Variants in SLC24A4 observed in about 807,000 individuals in gnomAD.
The protein encoded by SLC24A4 is solute carrier family 24 member 4.
SLC24A4 carries 53 observed loss-of-function variants against 79.0 expected under a neutral mutation model. The observed-to-expected ratio is 0.67, with a 90% CI of 0.54 to 0.84. The LOEUF (loss-of-function observed/expected upper bound fraction) is 0.84. SLC24A4 is among the 40% of genes least tolerant of loss of function. The pLI, the probability that SLC24A4 is intolerant of heterozygous loss-of-function variation, is 0.00. For synonymous variants in SLC24A4, 323 were observed against 323.8 expected, an observed-to-expected ratio of 1.00 and a Z score of 0.03; for missense variants, 731 against 822.0, an observed-to-expected ratio of 0.89 and a Z score of 1.35.
In SLC24A4 at chr14:92,416,122, G is replaced by GGTGTGTGT. The variant is rs34411259; in HGVS notation, c.242-17767_242-17760dup. Among the ~76,000 whole-genome samples, 17 of 147,918 alleles carry GGTGTGTGT rather than the reference G, an allele frequency of 1.1e-4. No homozygotes were observed. The Middle Eastern group carries it at 9.7e-3, about 84-fold the overall frequency. On this transcript the variant is annotated intron_variant, in intron 2 of 16. Coordinates refer to ENST00000532405, the MANE Select transcript of SLC24A4 (RefSeq NM_153646.4). ...GGAAAGTGTGTGTATTTGTGTGTGT[G>GGTGTGTGT]GTGTGTGTGTGTGTGTGTGTGTGTG... is the stretch of plus-strand genomic sequence containing the variant.
intron 12 of SLC24A4, among the ~76,000 whole-genome samples, chr14:92,476,149 G>A (rs986910864): frequency 1.3e-5 from 2 of 152,194 alleles, no homozygotes; most frequent in Admixed American, 6.5e-5. Flanking sequence ...ACGTTCCTGG[G>A]CATTTAAGCA....
intron 2 of SLC24A4, among the ~76,000 whole-genome samples, chr14:92,361,659 C>T (rs367838510): frequency 3.4e-4 from 52 of 152,198 alleles, no homozygotes; most frequent in African/African-American, 8.7e-4. Flanking sequence ...AGTGCACAAG[C>T]GTACTGTTTG....
intron 14 of SLC24A4, among the ~76,000 whole-genome samples, chr14:92,489,394 C>T (rs1486439975): frequency 1.3e-5 from 2 of 151,962 alleles, no homozygotes; most frequent in African/African-American, 4.8e-5. Context: ...AACCACTGCA[C>T]TCCAGCCTAG....
At chr14:92,335,342 GT>G (rs1885726485) in intron 2 of SLC24A4, among the ~76,000 whole-genome samples, 1 of 91,198 alleles carries the variant, frequency 1.1e-5, no homozygotes, top group Non-Finnish European at 2.3e-5. Flanking sequence ...ATGTTTTTTT[GT>G]TTTTGTTTTT....
chr14:92,435,380 A>G (rs186181896), intron 3 of SLC24A4, among the ~76,000 whole-genome samples: 21 of 152,324 alleles, frequency 1.4e-4, no homozygotes, highest in Admixed American at 1.2e-3. Flanking sequence ...TCATTTCTGT[A>G]ATATCTATTT....
At chr14:92,443,768 G>A (rs1006001222) in intron 7 of SLC24A4, among the ~76,000 whole-genome samples, 23 of 152,222 alleles carry the variant, frequency 1.5e-4, no homozygotes, top group African/African-American at 5.5e-4. Context: ...GGGTCCTGTA[G>A]GCCAGGTCCT....
intron 16 of SLC24A4, 139 bp downstream of exon 16, chr14:92,492,379 C>A: frequency 1.3e-6 from 1 of 772,446 alleles, no homozygotes; most frequent in Non-Finnish European, 2.1e-6. Context: ...TGTAGACGTT[C>A]ATAGACACAC....
At chr14:92,348,154 T>G (rs1365488388) in intron 2 of SLC24A4, among the ~76,000 whole-genome samples, 1 of 152,198 alleles carries the variant, frequency 6.6e-6, no homozygotes, top group East Asian at 1.9e-4. Flanking sequence ...CTCCATTTAC[T>G]GAGTGTGTGA....
At position 92,488,213 on chromosome 14, in the gene SLC24A4, G is replaced by T. The variant is rs967702025; in HGVS notation, c.1537+1433G>T. On this transcript the variant is annotated intron_variant, in intron 14 of 16. Coordinates refer to ENST00000532405, the MANE Select transcript of SLC24A4 (RefSeq NM_153646.4). ...CACCCTTCCGAGTAGCCAGGACTAC[G>T]GGCACATGCCACCACACCCAGCTAA... 2.6e-5 allele frequency among the ~76,000 whole-genome samples: 4 copies of T among 151,614 alleles called. No homozygotes were observed. The East Asian group carries it at 7.8e-4, about 29-fold the overall frequency.
rs192175876 is a variant in SLC24A4, at chr14:92,343,764, A to G, written c.241+17786A>G. Among the ~76,000 whole-genome samples, 4 of 147,920 alleles carry G rather than the reference A, an allele frequency of 2.7e-5. No individual in the cohort carries two copies. In the Admixed American group the frequency reaches 2.7e-4, roughly 10 times the overall value. ...GTCACCCAGACTGGAGTGCAGTGGC[A>G]CGATCTTGGCTCACTGCATCCTCCG... On this transcript the variant is annotated intron_variant, in intron 2 of 16. Transcript: ENST00000532405.
At chr14:92,487,831 G>T (rs1191327735) in intron 14 of SLC24A4, among the ~76,000 whole-genome samples, 5 of 152,132 alleles carry the variant, frequency 3.3e-5, no homozygotes, top group Non-Finnish European at 5.9e-5. Flanking sequence ...GGCTCTAGGG[G>T]AGGAACCTTC....
chr14:92,420,221 C>T (rs1026790933), intron 2 of SLC24A4, among the ~76,000 whole-genome samples: 1 of 152,180 alleles, frequency 6.6e-6, no homozygotes, highest in Admixed American at 6.5e-5. Context: ...GTGGTTCACA[C>T]CTGTAATCCT....
chr14:92,347,092 G>C (rs551306404), intron 2 of SLC24A4, among the ~76,000 whole-genome samples: 3 of 152,314 alleles, frequency 2.0e-5, no homozygotes, highest in African/African-American at 7.2e-5. Context: ...ACATAGGAAT[G>C]CTTTACAATC....
chr14:92,443,615 G>T, intron 7 of SLC24A4, 141 bp downstream of exon 7: 1 of 865,568 alleles, frequency 1.2e-6, no homozygotes. Flanking sequence ...CACTCACTGC[G>T]GTCACAGTGA....
chr14:92,399,012 A>G (rs986836863), intron 2 of SLC24A4, among the ~76,000 whole-genome samples: 15 of 152,290 alleles, frequency 9.8e-5, no homozygotes, highest in African/African-American at 2.9e-4. Context: ...GAGATTTAGG[A>G]ACTTAATTAA....
At position 92,455,073 on chromosome 14, in the gene SLC24A4, C is replaced by T. The variant is rs140275391; in HGVS notation, c.1050+1004C>T. Among the ~76,000 whole-genome samples, 1,268 of 152,192 alleles carry T rather than the reference C, an allele frequency of 8.3e-3. 7 individuals carry two copies. The highest frequency in any genetic ancestry group is 0.015 in the Non-Finnish European group (1,027 of 68,004). Reference sequence around the variant, plus strand: ...GTTGCTGAGATACTGGTTATTATGCCCTAAATGTTCTAAGCTACTGGGAAG... The same window carrying T: ...GTTGCTGAGATACTGGTTATTATGCTCTAAATGTTCTAAGCTACTGGGAAG... On this transcript the variant is annotated intron_variant, in intron 11 of 16. Transcript: ENST00000532405.
chr14:92,463,159 G>A (rs1277051689), intron 12 of SLC24A4, among the ~76,000 whole-genome samples: 1 of 152,194 alleles, frequency 6.6e-6, no homozygotes. Context: ...GCAATCGGAA[G>A]ATTTCGGGAA....
chr14:92,464,491 A>G (rs1893985176), intron 12 of SLC24A4, among the ~76,000 whole-genome samples: 1 of 152,234 alleles, frequency 6.6e-6, no homozygotes, highest in Non-Finnish European at 1.5e-5. Context: ...GCATGCCAGC[A>G]ACAAGAAGCC....
At chr14:92,329,710 T>C (rs1885357976) in intron 2 of SLC24A4, among the ~76,000 whole-genome samples, 1 of 152,238 alleles carries the variant, frequency 6.6e-6, no homozygotes, top group African/African-American at 2.4e-5. Flanking sequence ...TTTTGCCATG[T>C]GGCCCAGGGT....
Sources: allele counts gnomAD v4.1 joint callset (sites outside exome capture counted in the v4.1 genomes callset), GRCh38; gene constraint gnomAD v4.1.1; transcripts MANE v1.5; gene names NCBI Gene and HGNC (gene_info 2026-07-23, HGNC 2026-07-21).